AGPAT4: variants seen among roughly 807,000 people sequenced by gnomAD.
AGPAT4 encodes the protein 1-acyl-sn-glycerol-3-phosphate acyltransferase delta.
In AGPAT4, 15 loss-of-function variants were observed where a neutral mutation model predicts 48.0. That is an observed-to-expected ratio of 0.31 (90% CI 0.21 to 0.48). The LOEUF (loss-of-function observed/expected upper bound fraction) is 0.48, where lower values mean the gene tolerates loss of function less well. Among genes scored for constraint, AGPAT4 ranks in the 20% least tolerant of loss-of-function variants. The pLI, the probability that AGPAT4 is intolerant of heterozygous loss-of-function variation, is 0.99. For synonymous variants in AGPAT4, 178 were observed against 198.7 expected (o/e 0.90, Z 0.88); for missense variants, 314 against 482.5 (o/e 0.65, Z 3.27).
Position 161,177,722 on chromosome 6 carries a change from G to A in AGPAT4, c.179-11305C>T, listed in dbSNP as rs1172119939. 6.6e-6 allele frequency among the ~76,000 whole-genome samples: 1 copy of A among 152,170 alleles called. No homozygotes were observed. Among genetic ancestry groups the A allele is most frequent in the Admixed American group, 6.5e-5 (1 of 15,288 alleles). ...AGCTGCATTCCTTTGGAGTAGAAGA[G>A]GCACTCTGATTTTTAGAATTTTCAG... is the stretch of plus-strand genomic sequence containing the variant. On this transcript the variant is annotated intron_variant, in intron 2 of 8. Coordinates refer to ENST00000320285, the MANE Select transcript of AGPAT4 (RefSeq NM_020133.3). The surrounding 1 kb of genome is among the most constrained non-coding windows in gnomAD (Gnocchi z 5.0).
At position 161,212,296 on chromosome 6, in the gene AGPAT4, T is replaced by C. The variant is rs1781542393; in HGVS notation, c.178+19740A>G. On this transcript the variant is annotated intron_variant, in intron 2 of 8. Transcript: ENST00000320285. This position sits in a 1 kb window ranked among gnomAD's most constrained non-coding sequence, Gnocchi z 6.1. ...TCTCCTCTCTCAAAGAATGAAGATG[T>C]TTGCCTTTTTTGAAATCCTTGAGTT... is the stretch of plus-strand genomic sequence containing the variant. Among the ~76,000 whole-genome samples the C allele has an allele frequency of 6.6e-6, 1 of 152,224 alleles. No individual in the cohort carries two copies. The highest frequency in any genetic ancestry group is 1.5e-5 in the Non-Finnish European group (1 of 68,032).
intron 5 of AGPAT4, among the ~76,000 whole-genome samples, chr6:161,151,230 G>C (rs1220709549): frequency 2.6e-5 from 4 of 152,216 alleles, no homozygotes; most frequent in Non-Finnish European, 5.9e-5. Flanking sequence ...GAGCCCCAAT[G>C]TCCTTATCTG....
intron 2 of AGPAT4, among the ~76,000 whole-genome samples, chr6:161,167,632 T>A (rs1473039077): frequency 6.6e-6 from 1 of 152,118 alleles, no homozygotes; most frequent in Non-Finnish European, 1.5e-5. Flanking sequence ...TGGCCTTGAC[T>A]CCAGTAAGCC....
At chr6:161,153,907 AGCCCTGGGGTCACACACG>A (rs1238818037) in intron 4 of AGPAT4, among the ~76,000 whole-genome samples, 12 of 147,758 alleles carry the variant, frequency 8.1e-5, no homozygotes, top group Non-Finnish European at 1.8e-4. Flanking sequence ...GGTCACACAC[AGCCCTGGGGTCACACACG>A]GCCCCATGGT....
chr6:161,156,788 T>C (rs951909714), intron 3 of AGPAT4, among the ~76,000 whole-genome samples: 7 of 152,242 alleles, frequency 4.6e-5, no homozygotes, highest in Admixed American at 4.6e-4. Flanking sequence ...AAGGAACACC[T>C]AGCCTGCCCA....
In AGPAT4 at chr6:161,235,759, C is replaced by T. The variant is rs1249751710; in HGVS notation, c.-89-3457G>A. Among the ~76,000 whole-genome samples the T allele has an allele frequency of 1.3e-5, 2 of 151,908 alleles. No homozygotes were observed. The highest frequency in any genetic ancestry group is 4.8e-5 in the African/African-American group (2 of 41,308). On this transcript the variant is annotated intron_variant, in intron 1 of 8. Transcript: ENST00000320285. This position sits in a 1 kb window ranked among gnomAD's most constrained non-coding sequence, Gnocchi z 6.2. ...GAGGTGCCACACACTTTTAAACAAC[C>T]AAATCTCAAGAGAACTCACTCATTA...
At position 161,212,698 on chromosome 6, in the gene AGPAT4, T is replaced by G. The variant is rs966789974; in HGVS notation, c.178+19338A>C. Among the ~76,000 whole-genome samples the G allele has an allele frequency of 1.3e-5, 2 of 152,204 alleles. No homozygotes were observed. Among genetic ancestry groups the G allele is most frequent in the African/African-American group, 4.8e-5 (2 of 41,460 alleles). On this transcript the variant is annotated intron_variant, in intron 2 of 8. Coordinates refer to ENST00000320285, the MANE Select transcript of AGPAT4 (RefSeq NM_020133.3). The surrounding 1 kb of genome is among the most constrained non-coding windows in gnomAD (Gnocchi z 6.1). Reference sequence around the variant, plus strand: ...TGTGCCACAAGGTAACAAATTTCCTTGTCAATTGTGTCTTTCACTATGGCT... The same window carrying G: ...TGTGCCACAAGGTAACAAATTTCCTGGTCAATTGTGTCTTTCACTATGGCT...
chr6:161,205,735 T>TACA (rs1781361447), intron 2 of AGPAT4, among the ~76,000 whole-genome samples: 1 of 84,876 alleles, frequency 1.2e-5, no homozygotes, highest in African/African-American at 6.3e-5. Context: ...AGGTTGAAAT[T>TACA]ACAATAATAA....
rs1221869303 is a variant in AGPAT4, at chr6:161,142,306, CA to C, written c.844-2687del. On this transcript the variant is annotated intron_variant, in intron 7 of 8. Coordinates refer to ENST00000320285, the MANE Select transcript of AGPAT4 (RefSeq NM_020133.3). This position sits in a 1 kb window ranked among gnomAD's most constrained non-coding sequence, Gnocchi z 6.4. ...GCTCTGGCCAGACTCCAGGCTCTGG[CA>C]GCAGAATGTCCGTGGCCCATCTTGG... is the stretch of plus-strand genomic sequence containing the variant. Among the ~76,000 whole-genome samples, 3 of 152,224 alleles carry C rather than the reference CA, an allele frequency of 2.0e-5. No homozygotes were observed. The highest frequency in any genetic ancestry group is 2.9e-5 in the Non-Finnish European group (2 of 68,042).
In AGPAT4 at chr6:161,149,351, G is replaced by A; in HGVS notation, c.665-62C>T. The A allele has an allele frequency of 7.0e-7, 1 of 1,430,958 alleles. No homozygotes were observed. Among genetic ancestry groups the A allele is most frequent in the Admixed American group, 2.3e-5 (1 of 44,426 alleles). The allele number at this position is 1,430,958 out of a possible 1,614,324, so 88.6% of individuals were successfully genotyped here. On this transcript the variant is annotated intron_variant, in intron 5 of 8. Coordinates refer to ENST00000320285, the MANE Select transcript of AGPAT4 (RefSeq NM_020133.3). The surrounding 1 kb of genome is among the most constrained non-coding windows in gnomAD (Gnocchi z 6.5). Reference sequence around the variant, plus strand: ...CGTGTGAACCCAATTTTGTTCTGTAGATACACACATTGGAAGACAATAATC... The same window carrying A: ...CGTGTGAACCCAATTTTGTTCTGTAAATACACACATTGGAAGACAATAATC...
chr6:161,193,276 T>C (rs1259167056), intron 2 of AGPAT4, among the ~76,000 whole-genome samples: 2 of 152,234 alleles, frequency 1.3e-5, no homozygotes, highest in Non-Finnish European at 2.9e-5. Context: ...GTGTTTAAGC[T>C]GACATGAAAC....
chr6:161,206,370 C>T lies in AGPAT4; in HGVS notation c.178+25666G>A, dbSNP rs79606997. On this transcript the variant is annotated intron_variant, in intron 2 of 8. Transcript: ENST00000320285. This position sits in a 1 kb window ranked among gnomAD's most constrained non-coding sequence, Gnocchi z 4.8. Reference sequence around the variant, plus strand: ...CCTCAACACAATAAAGCACTCCCTCCCCTCCCAGCCAGCACACCATCCTGG... The same window carrying T: ...CCTCAACACAATAAAGCACTCCCTCTCCTCCCAGCCAGCACACCATCCTGG... Among the ~76,000 whole-genome samples, 1,517 of 152,160 alleles carry T rather than the reference C, an allele frequency of 1.0e-2. 31 individuals carry two copies. Among genetic ancestry groups the T allele is most frequent in the African/African-American group, 0.033 (1,372 of 41,510 alleles).
rs1433837057 is a variant in AGPAT4 at position 161,131,650 on chromosome 6, A to G, written c.*4890T>C. On this transcript the variant is annotated 3_prime_UTR_variant, in exon 9 of 9. Transcript: ENST00000320285. Reference sequence around the variant, plus strand: ...CTGTGCTCAGAGAGATGGGACTCCAATGAGGAGACACACTATGTAGGTGCA... The same window carrying G: ...CTGTGCTCAGAGAGATGGGACTCCAGTGAGGAGACACACTATGTAGGTGCA... 2 of 152,210 alleles carry G rather than the reference A, an allele frequency of 1.3e-5. No homozygotes were observed. Among genetic ancestry groups the G allele is most frequent in the African/African-American group, 4.8e-5 (2 of 41,450 alleles). 9.4% of individuals were successfully genotyped at this position (152,210 alleles called of 1,614,324 possible). A position where few individuals can be genotyped will look rare whatever the true frequency, so the allele number is the denominator to read the frequency against.
In AGPAT4 at chr6:161,206,234, T is replaced by C. The variant is rs1781376201; in HGVS notation, c.178+25802A>G. ...AACCCCCCATCAGCAAAGGTTGGGGTGGGGGGCTGTAATTTCACATCCTCT... is the reference window on the plus strand; with the variant it reads ...AACCCCCCATCAGCAAAGGTTGGGGCGGGGGGCTGTAATTTCACATCCTCT... On this transcript the variant is annotated intron_variant, in intron 2 of 8. Coordinates refer to ENST00000320285, the MANE Select transcript of AGPAT4 (RefSeq NM_020133.3). The surrounding 1 kb of genome is among the most constrained non-coding windows in gnomAD (Gnocchi z 4.8). 6.6e-6 allele frequency among the ~76,000 whole-genome samples: 1 copy of C among 151,964 alleles called. No homozygotes were observed. The highest frequency in any genetic ancestry group is 1.9e-4 in the East Asian group (1 of 5,186).
chr6:161,206,035 T>C lies in AGPAT4; in HGVS notation c.178+26001A>G, dbSNP rs966648041. Among the ~76,000 whole-genome samples the C allele has an allele frequency of 6.6e-6, 1 of 152,052 alleles. No homozygotes were observed. Among genetic ancestry groups the C allele is most frequent in the Non-Finnish European group, 1.5e-5 (1 of 68,008 alleles). On this transcript the variant is annotated intron_variant, in intron 2 of 8. Coordinates refer to ENST00000320285, the MANE Select transcript of AGPAT4 (RefSeq NM_020133.3). This position sits in a 1 kb window ranked among gnomAD's most constrained non-coding sequence, Gnocchi z 4.8. Reference sequence around the variant, plus strand: ...TGAGGAACGACATGGTGGTGAACTCTTTGTACTCGTATGTTTTTTCAAGCC... The same window carrying C: ...TGAGGAACGACATGGTGGTGAACTCCTTGTACTCGTATGTTTTTTCAAGCC...
Position 161,217,815 on chromosome 6 carries a change from G to A in AGPAT4, c.178+14221C>T, listed in dbSNP as rs952148502. The stretch of plus-strand genomic sequence containing the variant: ...CCCGCCTGCCCAGGCCACTGCCCTG[G>A]GACAGGACTCACAGGCAGCACAGCT... On this transcript the variant is annotated intron_variant, in intron 2 of 8. Transcript: ENST00000320285. This position sits in a 1 kb window ranked among gnomAD's most constrained non-coding sequence, Gnocchi z 4.9. Among the ~76,000 whole-genome samples the A allele has an allele frequency of 1.3e-5, 2 of 152,136 alleles. No individual in the cohort carries two copies. The highest frequency in any genetic ancestry group is 2.9e-5 in the Non-Finnish European group (2 of 68,028).
At position 161,171,139 on chromosome 6, in the gene AGPAT4, T is replaced by C. The variant is rs11753162; in HGVS notation, c.179-4722A>G. On this transcript the variant is annotated intron_variant, in intron 2 of 8. Coordinates refer to ENST00000320285, the MANE Select transcript of AGPAT4 (RefSeq NM_020133.3). This position sits in a 1 kb window ranked among gnomAD's most constrained non-coding sequence, Gnocchi z 4.4. ...GAAAGCAGGGCTTTCTGTTGTTTAG[T>C]TAAGGGAAAATCACCTGTTGAGAGT... Among the ~76,000 whole-genome samples, 7,184 of 152,300 alleles carry C rather than the reference T, an allele frequency of 0.047. 207 individuals carry two copies. The highest frequency in any genetic ancestry group is 0.11 in the Middle Eastern group (33 of 292).
At chr6:161,239,273 G>A (rs996633193) in intron 1 of AGPAT4, among the ~76,000 whole-genome samples, 8 of 152,196 alleles carry the variant, frequency 5.3e-5, no homozygotes, top group Admixed American at 4.6e-4. Context: ...ATTTCCCCAT[G>A]AAAGAATCCA....
rs1780111133 is a variant in AGPAT4, at chr6:161,166,714, G to T, written c.179-297C>A. On this transcript the variant is annotated intron_variant, in intron 2 of 8. Coordinates refer to ENST00000320285, the MANE Select transcript of AGPAT4 (RefSeq NM_020133.3). The surrounding 1 kb of genome is among the most constrained non-coding windows in gnomAD (Gnocchi z 6.7). ...AAATCAGAAAGCCAGAATCCGTCAA[G>T]AATTCATGCCCTTGTGTTTACAGAG... Among the ~76,000 whole-genome samples the T allele has an allele frequency of 6.6e-6, 1 of 152,202 alleles. No individual in the cohort carries two copies. Among genetic ancestry groups the T allele is most frequent in the South Asian group, 2.1e-4 (1 of 4,834 alleles).
Sources: gnomAD v4.1 joint callset for allele counts (sites outside exome capture counted in the v4.1 genomes callset) on GRCh38, gnomAD v4.1.1 for gene constraint, Gnocchi (gnomAD v3.1) non-coding constraint, MANE v1.5 for transcripts, NCBI Gene and HGNC (gene_info 2026-07-23, HGNC 2026-07-21) for gene names.